Variants in TIPIN observed in about 807,000 individuals in gnomAD.
TIPIN encodes the protein TIMELESS interacting protein.
TIPIN carries 29 observed loss-of-function variants against 35.6 expected under a neutral mutation model. The ratio of observed to expected loss-of-function variants is 0.82; its 90% CI spans 0.61 to 1.11. The LOEUF is 1.11. Among genes scored for constraint, TIPIN ranks in the 50% most tolerant of loss-of-function variants. The pLI, the probability that TIPIN is intolerant of heterozygous loss-of-function variation, is 0.00. For missense variants in TIPIN, 296 were observed against 345.4 expected (o/e 0.86, Z 1.13); for synonymous variants, 102 against 121.5 (o/e 0.84, Z 1.06).
At position 66,337,198 on chromosome 15, in the gene TIPIN, C is replaced by A; in HGVS notation, c.683-17G>T. 1.9e-6 allele frequency: 3 copies of A among 1,594,738 alleles called. No homozygotes were observed. The highest frequency in any genetic ancestry group is 2.6e-6 in the Non-Finnish European group (3 of 1,165,330). Reference sequence around the variant, plus strand: ...TTAACATATCTGAAAGAAATCATACCATTATTATTCATTATAAGTACCTGA... The same window carrying A: ...TTAACATATCTGAAAGAAATCATACAATTATTATTCATTATAAGTACCTGA... On this transcript the variant is annotated splice_polypyrimidine_tract_variant and intron_variant, in intron 7 of 7. Coordinates refer to ENST00000261881, the MANE Select transcript of TIPIN (RefSeq NM_017858.3).
In TIPIN at chr15:66,336,914, T is replaced by G. The variant is rs1309073038; in HGVS notation, c.*44A>C. ...AAAAAATACATAGTAACGCCAAGCT[T>G]GCAGGACGATGACTTAACAGATACA... On this transcript the variant is annotated 3_prime_UTR_variant, in exon 8 of 8. Coordinates refer to ENST00000261881, the MANE Select transcript of TIPIN (RefSeq NM_017858.3). 6.4e-7 allele frequency: 1 copy of G among 1,558,218 alleles called. No individual in the cohort carries two copies. Among genetic ancestry groups the G allele is most frequent in the Non-Finnish European group, 8.8e-7 (1 of 1,137,568 alleles).
At chr15:66,373,644 A>G (rs1007959736) in intron 1 of TIPIN, among the ~76,000 whole-genome samples, 2 of 152,338 alleles carry the variant, frequency 1.3e-5, no homozygotes, top group African/African-American at 4.8e-5. Flanking sequence ...GGAAGTCATA[A>G]TAGTTCCACA....
upstream of TIPIN, among the ~76,000 whole-genome samples, chr15:66,360,394 C>A (rs2093226008): frequency 6.6e-6 from 1 of 152,038 alleles, no homozygotes; most frequent in Non-Finnish European, 1.5e-5. Flanking sequence ...TTGCTTGAGT[C>A]CAGGAGTCCC....
intron 1 of TIPIN, among the ~76,000 whole-genome samples, chr15:66,363,978 T>C (rs1348040095): frequency 6.6e-6 from 1 of 151,062 alleles, no homozygotes; most frequent in Non-Finnish European, 1.5e-5. Context: ...GCGAGACTCT[T>C]TCTCAAAAAA....
intron 6 of TIPIN, among the ~76,000 whole-genome samples, chr15:66,342,205 A>G (rs937083621): frequency 1.3e-4 from 19 of 150,630 alleles, no homozygotes; most frequent in East Asian, 5.8e-4. Context: ...AAAAAAAAAA[A>G]AAAGAAAGAA....
In TIPIN at chr15:66,337,133, G is replaced by A. The variant is rs1382940486; in HGVS notation, c.731C>T (p.Thr244Ile). 1.2e-6 allele frequency: 2 copies of A among 1,613,864 alleles called. No homozygotes were observed. Among genetic ancestry groups the A allele is most frequent in the African/African-American group, 2.7e-5 (2 of 74,884 alleles). Residue 244 changes from threonine to isoleucine, a missense_variant, in exon 8 of 8, where the codon ACT becomes ATT. By Grantham distance (89) the Thr-to-Ile change is moderately conservative. Coordinates refer to ENST00000261881, the MANE Select transcript of TIPIN (RefSeq NM_017858.3). Reference sequence around the variant, plus strand: ...TGACTCCTCCTTTTGATCCTCATCAGTATTAACCTCTTCAACCGTGTGTGC... The same window carrying A: ...TGACTCCTCCTTTTGATCCTCATCAATATTAACCTCTTCAACCGTGTGTGC... ...PRAHTVEEVN[T>I]DEDQKEESNG... is the part of the protein sequence containing the mutation.
At chr15:66,359,349 G>C (rs570414335), upstream of TIPIN, among the ~76,000 whole-genome samples, 1 of 151,582 alleles carries the variant, frequency 6.6e-6, no homozygotes, top group South Asian at 2.1e-4. Flanking sequence ...CATAAATTTA[G>C]TTTTTTTTGT....
intron 1 of TIPIN, among the ~76,000 whole-genome samples, chr15:66,372,934 T>C (rs937644424): frequency 1.3e-5 from 2 of 152,020 alleles, no homozygotes; most frequent in Non-Finnish European, 2.9e-5. Flanking sequence ...TAATACCAAA[T>C]TTTAATGTAG....
chr15:66,356,784 C>G (rs1221596278), upstream of TIPIN: 1 of 973,564 alleles, frequency 1.0e-6, no homozygotes, highest in Non-Finnish European at 1.2e-6. Context: ...GCCTGCAAAA[C>G]CCGCCTCTCA....
chr15:66,378,846 C>T (rs73486100), intron 1 of TIPIN, among the ~76,000 whole-genome samples: 10,512 of 151,986 alleles, frequency 0.069, 1,203 homozygotes, highest in African/African-American at 0.24. Flanking sequence ...AAGTAATCTT[C>T]CCACCTCAGC....
At chr15:66,346,573 T>G (rs1441829877) in intron 6 of TIPIN, among the ~76,000 whole-genome samples, 2 of 152,120 alleles carry the variant, frequency 1.3e-5, no homozygotes, top group African/African-American at 2.4e-5. Context: ...GTTGTATGTC[T>G]GATTCATTCA....
At position 66,352,959 on chromosome 15, in the gene TIPIN, G is replaced by A; in HGVS notation, c.-8-4C>T. 3 of 1,607,214 alleles carry A rather than the reference G, an allele frequency of 1.9e-6. No individual in the cohort carries two copies. Among genetic ancestry groups the A allele is most frequent in the Admixed American group, 1.7e-5 (1 of 58,480 alleles). On this transcript the variant is annotated splice_polypyrimidine_tract_variant and splice_region_variant and intron_variant, in intron 1 of 7. Coordinates refer to ENST00000261881, the MANE Select transcript of TIPIN (RefSeq NM_017858.3). ...TGTGGTTCTAGCATCTTTTCCTCTA[G>A]GGGAAAAAATTAAAGTTATTTGTAT...
At chr15:66,379,736 C>A in intron 1 of TIPIN, 1 of 1,608,440 alleles carries the variant, frequency 6.2e-7, no homozygotes, top group East Asian at 2.2e-5. Flanking sequence ...TGTTACCCCA[C>A]CATTTGTCAA....
chr15:66,386,663 A>G (rs778295086), exon 1 of TIPIN: 4 of 178,018 alleles, frequency 2.2e-5, no homozygotes, highest in Non-Finnish European at 4.8e-5. Context: ...ACAGCGACAC[A>G]GACTTCTTCT....
chr15:66,367,235 T>C (rs2093259415), intron 1 of TIPIN, among the ~76,000 whole-genome samples: 2 of 150,026 alleles, frequency 1.3e-5, no homozygotes, highest in South Asian at 4.2e-4. Context: ...TCTGTATCTA[T>C]ATCTATATCT....
At chr15:66,381,391 T>C (rs184376486) in intron 1 of TIPIN, among the ~76,000 whole-genome samples, 27 of 152,044 alleles carry the variant, frequency 1.8e-4, no homozygotes, top group African/African-American at 5.5e-4. Flanking sequence ...TGAGCCCCAA[T>C]TGCGCCACGG....
chr15:66,358,485 A>C (rs148819742), upstream of TIPIN, among the ~76,000 whole-genome samples: 26 of 151,140 alleles, frequency 1.7e-4, 1 homozygote, highest in East Asian at 5.1e-3. Context: ...TGAGGCTGGA[A>C]TGCAGTGGTG....
At chr15:66,356,374 A>G (rs1252715503) in intron 1 of TIPIN, among the ~76,000 whole-genome samples, 1 of 152,118 alleles carries the variant, frequency 6.6e-6, no homozygotes, top group Non-Finnish European at 1.5e-5. Flanking sequence ...GCCTGGGGTA[A>G]AGATGATCAG....
At chr15:66,384,888 G>A (rs1045078405) in intron 1 of TIPIN, among the ~76,000 whole-genome samples, 1 of 151,856 alleles carries the variant, frequency 6.6e-6, no homozygotes, top group Admixed American at 6.6e-5. Context: ...CTCAAGCCTG[G>A]GCAAAAAGAG....
Sources: gnomAD v4.1 joint callset for allele counts (sites outside exome capture counted in the v4.1 genomes callset) on GRCh38, gnomAD v4.1.1 for gene constraint, MANE v1.5 for transcripts, NCBI Gene and HGNC (gene_info 2026-07-23, HGNC 2026-07-21) for gene names.